The following CACNG2 variants were observed in gnomAD, a reference collection of about 807,000 sequenced individuals.
CACNG2 encodes the protein calcium voltage-gated channel auxiliary subunit gamma 2, also known as voltage-dependent calcium channel gamma-2 subunit.
In CACNG2, 3 loss-of-function variants were observed where a neutral mutation model predicts 25.9. The observed-to-expected ratio is 0.12, with a 90% CI of 0.05 to 0.30. CACNG2 has a LOEUF of 0.30. Among genes scored for constraint, CACNG2 ranks in the 10% least tolerant of loss-of-function variants. The pLI, the probability that CACNG2 is intolerant of heterozygous loss-of-function variation, is 1.00. For synonymous variants in CACNG2, 167 were observed against 173.3 expected, an observed-to-expected ratio of 0.96 and a Z score of 0.29; for missense variants, 341 against 432.5, an observed-to-expected ratio of 0.79 and a Z score of 1.88.
intron 1 of CACNG2, among the ~76,000 whole-genome samples, chr22:36,611,490 G>T (rs1935938450): frequency 6.6e-6 from 1 of 152,224 alleles, no homozygotes; most frequent in Non-Finnish European, 1.5e-5. Context: ...GCTCAAGGCT[G>T]CCAGGAACTG....
At chr22:36,607,889 CA>C (rs1196254885) in intron 1 of CACNG2, among the ~76,000 whole-genome samples, 1 of 152,224 alleles carries the variant, frequency 6.6e-6, no homozygotes, top group Non-Finnish European at 1.5e-5. Context: ...CCACCTAAAA[CA>C]ACACCCATTT....
chr22:36,657,512 G>A (rs1308938473), intron 1 of CACNG2, among the ~76,000 whole-genome samples: 1 of 152,156 alleles, frequency 6.6e-6, no homozygotes, highest in Non-Finnish European at 1.5e-5. Context: ...CAGGAGCCCG[G>A]CTGGAGGACA....
At chr22:36,658,744 T>C (rs1305168034) in intron 1 of CACNG2, among the ~76,000 whole-genome samples, 1 of 151,974 alleles carries the variant, frequency 6.6e-6, no homozygotes, top group Non-Finnish European at 1.5e-5. Flanking sequence ...GTGAACAAAG[T>C]AACAAACCAT....
intron 1 of CACNG2, among the ~76,000 whole-genome samples, chr22:36,688,863 A>C (rs1464566479): frequency 4.6e-5 from 7 of 152,198 alleles, no homozygotes; most frequent in African/African-American, 7.2e-5. Flanking sequence ...ATCAGTATCC[A>C]TCTCAGCAAT....
At chr22:36,684,084 C>G (rs1321168582) in intron 1 of CACNG2, among the ~76,000 whole-genome samples, 1 of 152,192 alleles carries the variant, frequency 6.6e-6, no homozygotes, top group Non-Finnish European at 1.5e-5. Context: ...ACCCGTCTCT[C>G]CATGTCTTTC....
At chr22:36,629,274 G>C (rs533250315) in intron 1 of CACNG2, among the ~76,000 whole-genome samples, 1 of 152,058 alleles carries the variant, frequency 6.6e-6, no homozygotes, top group Non-Finnish European at 1.5e-5. Context: ...TTCATTCACC[G>C]TTCATTCATT....
At chr22:36,597,509 A>C (rs1478982818) in intron 1 of CACNG2, among the ~76,000 whole-genome samples, 1 of 152,152 alleles carries the variant, frequency 6.6e-6, no homozygotes, top group African/African-American at 2.4e-5. Flanking sequence ...GGGTAAGGGG[A>C]TTAACTTTGA....
chr22:36,569,258 G>T (rs1401710061), intron 2 of CACNG2, among the ~76,000 whole-genome samples: 1 of 151,930 alleles, frequency 6.6e-6, no homozygotes, highest in African/African-American at 2.4e-5. Context: ...GTGTTTTTTT[G>T]CCCCAATTTA....
At chr22:36,693,840 G>A (rs1420484355) in intron 1 of CACNG2, among the ~76,000 whole-genome samples, 1 of 152,068 alleles carries the variant, frequency 6.6e-6, no homozygotes, top group Non-Finnish European at 1.5e-5. Context: ...CCCAATCCCT[G>A]TGCTCCCAGA....
chr22:36,670,921 CTTT>C (rs746898344), intron 1 of CACNG2, among the ~76,000 whole-genome samples: 7 of 132,894 alleles, frequency 5.3e-5, no homozygotes, highest in African/African-American at 5.4e-5. Context: ...AGTCTATATT[CTTT>C]TTTTTTTTTT....
chr22:36,594,961 T>G (rs1475482396), intron 1 of CACNG2, among the ~76,000 whole-genome samples: 2 of 150,224 alleles, frequency 1.3e-5, no homozygotes. Flanking sequence ...TGTCTGTATG[T>G]GGGTAGTTTT....
chr22:36,574,565 G>A (rs1347103171), intron 2 of CACNG2, among the ~76,000 whole-genome samples: 1 of 152,160 alleles, frequency 6.6e-6, no homozygotes, highest in Non-Finnish European at 1.5e-5. Flanking sequence ...TGGATCACCT[G>A]AGGTCAGGAG....
At chr22:36,637,556 T>G (rs60104527) in intron 1 of CACNG2, among the ~76,000 whole-genome samples, 10,994 of 152,096 alleles carry the variant, frequency 0.072, 1,336 homozygotes, top group African/African-American at 0.25. Flanking sequence ...TTGGGTTGTT[T>G]GGAGAGGCTC....
chr22:36,630,810 G>A (rs1020989769), intron 1 of CACNG2, among the ~76,000 whole-genome samples: 1 of 152,092 alleles, frequency 6.6e-6, no homozygotes, highest in African/African-American at 2.4e-5. Context: ...GCGGGATGGA[G>A]AGATGTGGAC....
At chr22:36,676,712 A>G (rs759304907) in intron 1 of CACNG2, among the ~76,000 whole-genome samples, 2 of 152,166 alleles carry the variant, frequency 1.3e-5, no homozygotes, top group Non-Finnish European at 2.9e-5. Context: ...AGGTTTAGAG[A>G]GGTTAAGGGC....
At chr22:36,602,355 T>C (rs952048232) in intron 1 of CACNG2, among the ~76,000 whole-genome samples, 1 of 152,020 alleles carries the variant, frequency 6.6e-6, no homozygotes, top group Non-Finnish European at 1.5e-5. Context: ...GTCTTTTATA[T>C]GTATTTATTA....
At position 36,652,904 on chromosome 22, in the gene CACNG2, G is replaced by A. The variant is rs143145978; in HGVS notation, c.211+49462C>T. The stretch of plus-strand genomic sequence containing the variant: ...GGGCCATGTTAATGGCATTAGGACT[G>A]TAGGGCTAAGATGCAAAGTTGCCGT... On this transcript the variant is annotated intron_variant, in intron 1 of 3. Coordinates refer to ENST00000300105, the MANE Select transcript of CACNG2 (RefSeq NM_006078.5). Among the ~76,000 whole-genome samples the A allele has an allele frequency of 6.8e-3, 1,031 of 152,304 alleles. 11 individuals are homozygous for A. Among genetic ancestry groups the A allele is most frequent in the African/African-American group, 0.024 (987 of 41,544 alleles).
Position 36,566,334 on chromosome 22 carries a change from C to G in CACNG2, c.436+19G>C, listed in dbSNP as rs1258336876. 1 of 1,613,746 alleles carries G rather than the reference C, an allele frequency of 6.2e-7. No homozygotes were observed. Among genetic ancestry groups the G allele is most frequent in the Non-Finnish European group, 8.5e-7 (1 of 1,179,834 alleles). On this transcript the variant is annotated intron_variant, in intron 3 of 3. Transcript: ENST00000300105. Reference sequence around the variant, plus strand: ...CCCAGCCTTCTTCCCAGTGGCAGGACTGGATCAGTGGCTGTTACCTGCAGA... The same window carrying G: ...CCCAGCCTTCTTCCCAGTGGCAGGAGTGGATCAGTGGCTGTTACCTGCAGA...
chr22:36,584,032 C>T (rs1037502920), intron 2 of CACNG2, among the ~76,000 whole-genome samples: 4 of 152,212 alleles, frequency 2.6e-5, no homozygotes, highest in African/African-American at 9.7e-5. Flanking sequence ...AATCTTCTTA[C>T]CTGGTTCCCT....
Sources: gnomAD v4.1 joint callset for allele counts (sites outside exome capture counted in the v4.1 genomes callset) on GRCh38, gnomAD v4.1.1 for gene constraint, MANE v1.5 for transcripts, NCBI Gene and HGNC (gene_info 2026-07-23, HGNC 2026-07-21) for gene names.